The following KCNN2 variants were observed in gnomAD, a reference collection of about 807,000 sequenced individuals.
The protein encoded by KCNN2 is potassium calcium-activated channel subfamily N member 2, also known as small conductance calcium-activated potassium channel protein 2.
A neutral mutation model predicts 55.5 loss-of-function variants in KCNN2; 24 were observed. The ratio of observed to expected loss-of-function variants is 0.43; its 90% CI spans 0.31 to 0.61. KCNN2 has a LOEUF of 0.61. KCNN2 is among the 20% of genes least tolerant of loss of function. The probability of loss-of-function intolerance (pLI) is 0.08; values close to 1 mark genes in which losing one functional copy is unlikely to be tolerated. For synonymous variants in KCNN2, 431 were observed against 336.1 expected (o/e 1.28, Z -3.09); for missense variants, 754 against 853.6 (o/e 0.88, Z 1.45).
At chr5:114,476,377 AGACCGGAGTCTCTT>A (rs960793137) in intron 5 of KCNN2, among the ~76,000 whole-genome samples, 33 of 152,066 alleles carry the variant, frequency 2.2e-4, no homozygotes, top group African/African-American at 7.7e-4. Context: ...GAGTCTCTTG[AGACCGGAGTCTCTT>A]ATAGGTCTGA....
At chr5:114,400,305 A>G (rs911861845) in intron 2 of KCNN2, among the ~76,000 whole-genome samples, 2 of 152,200 alleles carry the variant, frequency 1.3e-5, no homozygotes, top group African/African-American at 4.8e-5. Flanking sequence ...ACAATTTGGT[A>G]TGCTATAAGA....
intron 2 of KCNN2, among the ~76,000 whole-genome samples, chr5:114,276,567 C>G (rs945291683): frequency 6.6e-6 from 1 of 151,772 alleles, no homozygotes; most frequent in Non-Finnish European, 1.5e-5. Flanking sequence ...TGAATTGATC[C>G]CTTTACCATT....
intron 7 of KCNN2, 141 bp from the exon 8 acceptor site, chr5:114,495,754 T>C: frequency 1.4e-6 from 1 of 730,528 alleles, no homozygotes; most frequent in Non-Finnish European, 2.4e-6. Flanking sequence ...GAGTTGGCTT[T>C]GCAAGATGAG....
At chr5:114,131,452 C>T (rs541400787) in intron 1 of KCNN2, among the ~76,000 whole-genome samples, 29 of 152,328 alleles carry the variant, frequency 1.9e-4, no homozygotes, top group African/African-American at 6.7e-4. Context: ...CTGCAAAGTA[C>T]ATAATCTAGT....
intron 2 of KCNN2, among the ~76,000 whole-genome samples, chr5:114,326,652 T>C (rs1288932846): frequency 1.3e-5 from 2 of 152,174 alleles, no homozygotes; most frequent in Non-Finnish European, 2.9e-5. Flanking sequence ...AGTTCAGCTT[T>C]CTCCATACAT....
intron 1 of KCNN2, among the ~76,000 whole-genome samples, chr5:114,105,168 C>G (rs1580517701): frequency 6.6e-6 from 1 of 152,012 alleles, no homozygotes; most frequent in African/African-American, 2.4e-5. Flanking sequence ...ATGGCTGCAA[C>G]TATTCCTGTT....
At chr5:114,101,258 C>G (rs911613341) in intron 1 of KCNN2, among the ~76,000 whole-genome samples, 7 of 151,454 alleles carry the variant, frequency 4.6e-5, no homozygotes, top group African/African-American at 1.7e-4. Flanking sequence ...ATATTTGGCT[C>G]AATAGTCATC....
intron 3 of KCNN2, among the ~76,000 whole-genome samples, chr5:114,407,391 TA>T (rs1427006828): frequency 6.6e-6 from 1 of 152,218 alleles, no homozygotes; most frequent in Admixed American, 6.5e-5. Flanking sequence ...TATTGTGTAT[TA>T]ATTTCCAGTG....
At chr5:114,119,778 C>CA in intron 1 of KCNN2, among the ~76,000 whole-genome samples, 1 of 152,176 alleles carries the variant, frequency 6.6e-6, no homozygotes, top group East Asian at 1.9e-4. Context: ...TTTAGAGCTC[C>CA]AAAAAGCCTT....
At chr5:114,222,005 A>G (rs915058863) in intron 2 of KCNN2, among the ~76,000 whole-genome samples, 2 of 152,230 alleles carry the variant, frequency 1.3e-5, no homozygotes, top group African/African-American at 4.8e-5. Context: ...TAATTCACCA[A>G]GAAGTTGAGG....
intron 2 of KCNN2, among the ~76,000 whole-genome samples, chr5:114,302,870 T>C (rs1024726065): frequency 3.9e-5 from 6 of 152,234 alleles, no homozygotes; most frequent in African/African-American, 1.4e-4. Flanking sequence ...AGGGCCATAC[T>C]GGTTGTACTT....
intron 2 of KCNN2, among the ~76,000 whole-genome samples, chr5:114,348,354 A>G (rs898080280): frequency 1.4e-4 from 22 of 152,008 alleles, no homozygotes; most frequent in Non-Finnish European, 2.9e-4. Context: ...GCACACCAGC[A>G]TGGCACATGT....
chr5:114,478,541 G>T (rs183308450), intron 5 of KCNN2, among the ~76,000 whole-genome samples: 26 of 152,024 alleles, frequency 1.7e-4, no homozygotes, highest in African/African-American at 6.3e-4. Flanking sequence ...TTCAGGAAAT[G>T]CAGAGATCTC....
intron 7 of KCNN2, among the ~76,000 whole-genome samples, chr5:114,494,568 C>G (rs898181487): frequency 4.0e-5 from 6 of 151,808 alleles, no homozygotes; most frequent in African/African-American, 1.2e-4. Flanking sequence ...CTCCATCACT[C>G]CTAGGTTAAA....
intron 1 of KCNN2, among the ~76,000 whole-genome samples, chr5:114,151,621 C>A (rs1194515012): frequency 6.6e-6 from 1 of 152,144 alleles, no homozygotes. Context: ...TATGTGGACA[C>A]ACTTTCCTTC....
chr5:114,281,239 G>C (rs1044975037), intron 2 of KCNN2, among the ~76,000 whole-genome samples: 2 of 152,078 alleles, frequency 1.3e-5, no homozygotes, highest in Admixed American at 1.3e-4. Context: ...TTGAGTGTTT[G>C]TTTGTATTTT....
intron 7 of KCNN2, among the ~76,000 whole-genome samples, chr5:114,494,070 C>G (rs1445285369): frequency 6.6e-6 from 1 of 151,946 alleles, no homozygotes; most frequent in African/African-American, 2.4e-5. Context: ...TAATATTTAT[C>G]TGATCAATGT....
chr5:114,064,674 A>G (rs893378348), intron 1 of KCNN2, among the ~76,000 whole-genome samples: 1 of 152,320 alleles, frequency 6.6e-6, no homozygotes, highest in Middle Eastern at 3.4e-3. Flanking sequence ...ATGGAACAAT[A>G]TATCACTGAA....
intron 2 of KCNN2, among the ~76,000 whole-genome samples, chr5:114,343,957 C>T (rs1431441642): frequency 6.6e-6 from 1 of 152,134 alleles, no homozygotes; most frequent in Non-Finnish European, 1.5e-5. Flanking sequence ...GAGAACAGAG[C>T]ACCTTTCTCT....
Sources: gnomAD v4.1 joint callset for allele counts (sites outside exome capture counted in the v4.1 genomes callset) on GRCh38, gnomAD v4.1.1 for gene constraint, MANE v1.5 for transcripts, NCBI Gene and HGNC (gene_info 2026-07-23, HGNC 2026-07-21) for gene names.